AGPAT2: variants seen among roughly 807,000 people sequenced by gnomAD.
AGPAT2 encodes the protein 1-acyl-sn-glycerol-3-phosphate acyltransferase beta.
In AGPAT2, 18 loss-of-function variants were observed where a neutral mutation model predicts 26.1. The observed-to-expected ratio is 0.69, with a 90% CI of 0.48 to 1.02. The LOEUF (loss-of-function observed/expected upper bound fraction) is 1.02. Among genes scored for constraint, AGPAT2 ranks in the 50% least tolerant of loss-of-function variants. The pLI is 0.00. For missense variants in AGPAT2, 415 were observed against 394.9 expected, an observed-to-expected ratio of 1.05 and a Z score of -0.43; for synonymous variants, 200 against 174.2, an observed-to-expected ratio of 1.15 and a Z score of -1.16.
chr9:136,681,420 C>G (rs543354259), intron 1 of AGPAT2, among the ~76,000 whole-genome samples: 61 of 152,356 alleles, frequency 4.0e-4, no homozygotes, highest in Admixed American at 3.3e-3. Context: ...TCTGCACCAG[C>G]CACGTGAGGC....
At position 136,687,286 on chromosome 9, in the gene AGPAT2, G is replaced by A; in HGVS notation, c.72C>T (p.Ala24=). 6.3e-7 allele frequency: 1 copy of A among 1,585,056 alleles called. No homozygotes were observed. The highest frequency in any genetic ancestry group is 8.5e-7 in the Non-Finnish European group (1 of 1,170,232). The change falls in exon 1 of 6, where the codon GCC becomes GCT. Residue 24 remains alanine (A), a synonymous_variant. Transcript: ENST00000371696. ...LLLLVQLSRA[A]EFYAKVALYC... Reference sequence around the variant, plus strand: ...ACAGGGCGACCTTGGCGTAGAACTCGGCCGCGCGGCTCAGCTGCACCAGCA... The same window carrying A: ...ACAGGGCGACCTTGGCGTAGAACTCAGCCGCGCGGCTCAGCTGCACCAGCA...
intron 1 of AGPAT2, among the ~76,000 whole-genome samples, chr9:136,685,400 A>G (rs1169143599): frequency 6.6e-6 from 1 of 152,234 alleles, no homozygotes; most frequent in Non-Finnish European, 1.5e-5. Context: ...GTCCATAGAA[A>G]GGGCAGCAGG....
intron 1 of AGPAT2, among the ~76,000 whole-genome samples, chr9:136,679,686 G>A (rs934921486): frequency 4.6e-5 from 7 of 152,336 alleles, no homozygotes; most frequent in South Asian, 4.1e-4. Context: ...CGGCCGTGTC[G>A]CCAATCAAAG....
chr9:136,675,737 G>C lies in AGPAT2; in HGVS notation c.588+848C>G, dbSNP rs114779139. ...CTGCCCCCAAAGGGAAGTGACATCA[G>C]CCCCAGGCTGGGCAGGTGTGCCCCG... On this transcript the variant is annotated intron_variant, in intron 4 of 5. Transcript: ENST00000371696. Among the ~76,000 whole-genome samples, 1,250 of 152,284 alleles carry C rather than the reference G, an allele frequency of 8.2e-3. 13 individuals carry two copies. Among genetic ancestry groups the C allele is most frequent in the African/African-American group, 0.029 (1,211 of 41,550 alleles).
Position 136,685,982 on chromosome 9 carries a change from C to T in AGPAT2, c.182+1194G>A, listed in dbSNP as rs114981836. On this transcript the variant is annotated intron_variant, in intron 1 of 5. Transcript: ENST00000371696. ...GGCCAGCCCTGGAGTGTGCGCTCCC[C>T]GGGACCCCGGCCTGGGCCACCTGGC... 4.1e-3 allele frequency among the ~76,000 whole-genome samples: 624 copies of T among 152,350 alleles called. 5 individuals carry two copies. The highest frequency in any genetic ancestry group is 0.014 in the African/African-American group (591 of 41,588).
At chr9:136,677,249 G>T in intron 2 of AGPAT2, 113 bp from the exon 3 acceptor site, 2 of 1,505,258 alleles carry the variant, frequency 1.3e-6, no homozygotes, top group East Asian at 2.4e-5. Flanking sequence ...CTGGCTACCT[G>T]GACGGGTCGT....
intron 1 of AGPAT2, among the ~76,000 whole-genome samples, chr9:136,684,316 G>A (rs531664341): frequency 1.1e-4 from 16 of 152,290 alleles, no homozygotes; most frequent in Admixed American, 2.0e-4. Flanking sequence ...TTCCTCTGTC[G>A]AATGGATGTA....
chr9:136,685,446 A>C (rs1846210026), intron 1 of AGPAT2, among the ~76,000 whole-genome samples: 1 of 152,206 alleles, frequency 6.6e-6, no homozygotes, highest in Admixed American at 6.5e-5. Flanking sequence ...ACAGCTAGGA[A>C]GTCCAGGCAG....
chr9:136,681,430 C>T (rs543069274), intron 1 of AGPAT2, among the ~76,000 whole-genome samples: 3 of 152,354 alleles, frequency 2.0e-5, no homozygotes, highest in Admixed American at 6.5e-5. Context: ...CCACGTGAGG[C>T]CACCGCACTT....
chr9:136,676,371 T>G (rs984646192), intron 4 of AGPAT2, among the ~76,000 whole-genome samples: 9 of 152,130 alleles, frequency 5.9e-5, no homozygotes, highest in African/African-American at 2.2e-4. Context: ...CACTCTGGGC[T>G]CTGTGTGGGC....
In AGPAT2 at chr9:136,677,025, C is replaced by A. The variant is rs749401965; in HGVS notation, c.428G>T (p.Arg143Leu). The A allele has an allele frequency of 6.2e-7, 1 of 1,613,032 alleles. No homozygotes were observed. Among genetic ancestry groups the A allele is most frequent in the South Asian group, 1.1e-5 (1 of 91,074 alleles). Residue 143 changes from arginine to leucine, a missense_variant, in exon 3 of 6, where the codon CGG becomes CTG. Coordinates refer to ENST00000371696, the MANE Select transcript of AGPAT2 (RefSeq NM_006412.4). ...TGTCATGGCAGTGCTAGAGCGCTGC[C>A]GGTTGATGAAGAAGACGCCCCCGAG... ...MYLGGVFFIN[R>L]QRSSTAMTVM...
At chr9:136,677,253 G>A (rs1564291477) in intron 2 of AGPAT2, 117 bp from the exon 3 acceptor site, 25 of 1,491,674 alleles carry the variant, frequency 1.7e-5, no homozygotes, top group South Asian at 8.3e-5. Context: ...CTACCTGGAC[G>A]GGTCGTGTGG....
Position 136,673,550 on chromosome 9 carries a change from T to G in AGPAT2, c.*202A>C. On this transcript the variant is annotated 3_prime_UTR_variant, in exon 6 of 6. Transcript: ENST00000371696. ...TCCCTGCCCTCGAGCCCGGGGAGGG[T>G]CCAGCTGAGCCCCCTGCAGGGGACA... The G allele has an allele frequency of 2.0e-6, 1 of 494,994 alleles. No individual in the cohort carries two copies. The highest frequency in any genetic ancestry group is 3.3e-6 in the Non-Finnish European group (1 of 300,784). 30.7% of individuals were successfully genotyped at this position (494,994 alleles called of 1,614,324 possible). A position where few individuals can be genotyped will look rare whatever the true frequency, so the allele number is the denominator to read the frequency against.
Position 136,677,080 on chromosome 9 carries a change from A to G in AGPAT2, c.373T>C (p.Phe125Leu). The G allele has an allele frequency of 6.2e-7, 1 of 1,613,228 alleles. No individual in the cohort carries two copies. Among genetic ancestry groups the G allele is most frequent in the South Asian group, 1.1e-5 (1 of 91,086 alleles). ...ATGATGAGGCCCACGGGCCCCAGGA[A>G]GAGCAGCTCCCGCTTGGCGATCTGC... ...CVQIAKRELL[F>L]LGPVGLIMYL... The change falls in exon 3 of 6, where the codon TTC (phenylalanine) becomes CTC (leucine). Residue 125 changes from phenylalanine to leucine, a missense_variant. By Grantham distance (22) the Phe-to-Leu change is conservative. Transcript: ENST00000371696.
rs759050377 is a variant in AGPAT2, at chr9:136,677,008, C to T, written c.445G>A (p.Ala149Thr). The T allele has an allele frequency of 6.4e-7, 1 of 1,560,734 alleles. No individual in the cohort carries two copies. The highest frequency in any genetic ancestry group is 1.1e-5 in the South Asian group (1 of 90,430). Residue 149 changes from alanine (A) to threonine (T), a missense_variant, in exon 3 of 6, where the codon GCC becomes ACC. Transcript: ENST00000371696. ...CCCAGGTCGGCCATCACTGTCATGG[C>T]AGTGCTAGAGCGCTGCCGGTTGATG... is the stretch of plus-strand genomic sequence containing the variant. ...FFINRQRSST[A>T]MTVMADLGER...
chr9:136,685,730 G>C (rs1421736409), intron 1 of AGPAT2, among the ~76,000 whole-genome samples: 1 of 152,122 alleles, frequency 6.6e-6, no homozygotes, highest in African/African-American at 2.4e-5. Context: ...TCCTCAGCTG[G>C]GAAAGCCGCA....
chr9:136,676,591 C>G lies in AGPAT2; in HGVS notation c.582G>C (p.Gln194His). 1 of 1,612,890 alleles carries G rather than the reference C, an allele frequency of 6.2e-7. No individual in the cohort carries two copies. Among genetic ancestry groups the G allele is most frequent in the Non-Finnish European group, 8.5e-7 (1 of 1,179,614 alleles). Residue 194 changes from glutamine to histidine, a missense_variant, in exon 4 of 6, where the codon CAG (glutamine) becomes CAC (histidine). Coordinates refer to ENST00000371696, the MANE Select transcript of AGPAT2 (RefSeq NM_006412.4). ...FKKGAFYLAVQAQVPIVPVVY... is the reference protein window; with the variant it reads ...FKKGAFYLAVHAQVPIVPVVY... Reference sequence around the variant, plus strand: ...AGGGCTGGGCTCAGCCTACCTGTGCCTGGACTGCCAGGTAGAAGGCGCCCT... The same window carrying G: ...AGGGCTGGGCTCAGCCTACCTGTGCGTGGACTGCCAGGTAGAAGGCGCCCT...
In AGPAT2 at chr9:136,684,073, C is replaced by T. The variant is rs146776389; in HGVS notation, c.182+3103G>A. Among the ~76,000 whole-genome samples, 125 of 152,312 alleles carry T rather than the reference C, an allele frequency of 8.2e-4. 1 individual carries two copies. The highest frequency in any genetic ancestry group is 3.0e-3 in the African/African-American group (123 of 41,566). On this transcript the variant is annotated intron_variant, in intron 1 of 5. Coordinates refer to ENST00000371696, the MANE Select transcript of AGPAT2 (RefSeq NM_006412.4). ...TACCAGCAGAGCGTGGGGTTCAATT[C>T]GGGGAGCATCCTTAAGAGGAAGAGC...
chr9:136,676,893 A>G, intron 3 of AGPAT2, 68 bp downstream of exon 3: 1 of 1,576,694 alleles, frequency 6.3e-7, no homozygotes, highest in Non-Finnish European at 8.7e-7. Flanking sequence ...CCAAGTCACA[A>G]GCTGGCCCCT....
Sources: gnomAD v4.1 joint callset for allele counts (sites outside exome capture counted in the v4.1 genomes callset) on GRCh38, gnomAD v4.1.1 for gene constraint, MANE v1.5 for transcripts, NCBI Gene and HGNC (gene_info 2026-07-23, HGNC 2026-07-21) for gene names.